Variants in DST observed in about 807,000 individuals in gnomAD.
The protein encoded by DST is dystonin.
Under a neutral mutation model 875.2 loss-of-function variants are expected in DST, and 253 were observed. The ratio of observed to expected loss-of-function variants is 0.29; its 90% confidence interval spans 0.26 to 0.32. DST has a LOEUF of 0.32. DST is among the 10% of genes least tolerant of loss of function. The pLI is 1.00. For synonymous variants in DST, 3,124 were observed against 3,197.1 expected (o/e 0.98, Z 0.77); for missense variants, 8,287 against 9,111.6 (o/e 0.91, Z 3.68).
intron 9 of DST, chr6:56,692,575 A>G: frequency 7.8e-7 from 1 of 1,289,780 alleles, no homozygotes. Context: ...TGATCTTTCT[A>G]TACCCGAGGG....
intron 4 of DST, among the ~76,000 whole-genome samples, chr6:56,826,200 A>T (rs1306272298): frequency 6.6e-6 from 1 of 152,194 alleles, no homozygotes; most frequent in African/African-American, 2.4e-5. Flanking sequence ...ATAATGGCCC[A>T]CCTCAGCCAT....
chr6:56,585,542 C>G (rs1464107078), intron 49 of DST, among the ~76,000 whole-genome samples: 3 of 152,180 alleles, frequency 2.0e-5, no homozygotes, highest in Non-Finnish European at 4.4e-5. Context: ...TTTCAAAAAA[C>G]CAGCTCCTGG....
At chr6:56,581,599 T>C (rs1178047164) in intron 49 of DST, among the ~76,000 whole-genome samples, 1 of 152,232 alleles carries the variant, frequency 6.6e-6, no homozygotes, top group Admixed American at 6.5e-5. Context: ...AGTTTGACCC[T>C]GCATTTCTAA....
intron 12 of DST, among the ~76,000 whole-genome samples, chr6:56,650,036 G>C (rs777381728): frequency 6.6e-6 from 1 of 152,122 alleles, no homozygotes; most frequent in Non-Finnish European, 1.5e-5. Context: ...AGGCTACTCA[G>C]GGATCAAAGA....
chr6:56,816,604 C>G (rs1397200322), intron 4 of DST, among the ~76,000 whole-genome samples: 1 of 152,176 alleles, frequency 6.6e-6, no homozygotes, highest in Non-Finnish European at 1.5e-5. Context: ...TATAAGCATC[C>G]TGGCAGTTTA....
rs1410816653 is a variant in DST at position 56,642,459 on chromosome 6, C to T, written c.1823G>A (p.Ser608Asn). The T allele has an allele frequency of 6.2e-7, 1 of 1,613,798 alleles. No homozygotes were observed. Among genetic ancestry groups the T allele is most frequent in the Middle Eastern group, 1.7e-4 (1 of 6,060 alleles). The change falls in exon 16 of 104, where the codon AGT becomes AAT. Residue 608 changes from serine to asparagine, a missense_variant. By Grantham distance (46) the Ser-to-Asn change is conservative (BLOSUM62 1). Transcript: ENST00000680361. The stretch of plus-strand genomic sequence containing the variant: ...AATCAGTTTGTCTTCACAGATGACA[C>T]TGTCCCTCTGAACTCTGTTGGCAAT... ...QQIANRVQRD[S>N]VICEDKLILA...
chr6:56,632,168 CA>C, intron 28 of DST, 128 bp from the exon 29 acceptor site: 1 of 647,014 alleles, frequency 1.5e-6, no homozygotes. Flanking sequence ...CTGTTTTCAT[CA>C]CAAACCCATT....
chr6:56,841,134 A>AC (rs1276230802), intron 4 of DST, among the ~76,000 whole-genome samples: 2 of 152,206 alleles, frequency 1.3e-5, no homozygotes, highest in African/African-American at 2.4e-5. Context: ...CAGTCCCCAC[A>AC]GCAAGTCACC....
chr6:56,767,318 T>C (rs1363087192), intron 4 of DST, among the ~76,000 whole-genome samples: 1 of 152,036 alleles, frequency 6.6e-6, no homozygotes, highest in Non-Finnish European at 1.5e-5. Flanking sequence ...CAATCAATAA[T>C]AATAAAAATA....
At chr6:56,887,481 G>C (rs1403823799) in intron 3 of DST, among the ~76,000 whole-genome samples, 1 of 152,110 alleles carries the variant, frequency 6.6e-6, no homozygotes, top group Non-Finnish European at 1.5e-5. Context: ...GCAATTTAAG[G>C]ATTTCTTTGG....
chr6:56,639,987 T>C lies in DST; in HGVS notation c.2561A>G (p.Asn854Ser), dbSNP rs1222668308. Reference protein sequence around the residue: ...SVESHLENHKNVHRAIEEFES... With the variant: ...SVESHLENHKSVHRAIEEFES... Reference sequence around the variant, plus strand: ...AAATTCTTCAATAGCTCTATGAACATTTTTATGATTTTCTAAATGGCTTTC... The same window carrying C: ...AAATTCTTCAATAGCTCTATGAACACTTTTATGATTTTCTAAATGGCTTTC... The change falls in exon 19 of 104, where the codon AAT (asparagine) becomes AGT (serine). Residue 854 changes from asparagine (N) to serine (S), a missense_variant. Asn to Ser is a conservative substitution (Grantham distance 46, BLOSUM62 1). Around this residue, in one of 10 missense-constraint regions of DST, gnomAD observed 1,160 missense variants for 1,424.3 expected, o/e 0.81. Transcript: ENST00000680361. The C allele has an allele frequency of 1.2e-6, 2 of 1,613,800 alleles. No homozygotes were observed. The highest frequency in any genetic ancestry group is 1.7e-6 in the Non-Finnish European group (2 of 1,179,846).
At chr6:56,777,337 A>T (rs527505936) in intron 4 of DST, among the ~76,000 whole-genome samples, 7 of 152,106 alleles carry the variant, frequency 4.6e-5, no homozygotes, top group Non-Finnish European at 7.3e-5. Flanking sequence ...GCAAAATATT[A>T]CCTTTACTAA....
Position 56,601,487 on chromosome 6 carries a change from A to G in DST, c.11497T>C (p.Leu3833=), listed in dbSNP as rs367619807. ...QESVTTQVER[L]ETQLHLEQDL... ...TGTTCTAGATGTAACTGAGTCTCTA[A>G]ACGTTCCACCTGGGTAGTTACTGAC... The change falls in exon 44 of 104, where the codon TTA becomes CTA. Residue 3833 remains leucine (L), a synonymous_variant. Coordinates refer to ENST00000680361, the MANE Select transcript of DST (RefSeq NM_001374736.1). 59 of 1,605,346 alleles carry G rather than the reference A, an allele frequency of 3.7e-5. No homozygotes were observed. In the African/African-American group the frequency reaches 5.9e-4, roughly 16 times the overall value.
chr6:56,679,424 T>G (rs1219192156), intron 9 of DST, among the ~76,000 whole-genome samples: 1 of 151,948 alleles, frequency 6.6e-6, no homozygotes, highest in Non-Finnish European at 1.5e-5. Context: ...CTTCTTGGTG[T>G]CCTAACTGGC....
At chr6:56,920,984 T>C (rs368696536) in intron 2 of DST, among the ~76,000 whole-genome samples, 1 of 144,066 alleles carries the variant, frequency 6.9e-6, no homozygotes, top group Non-Finnish European at 1.5e-5. Context: ...GCTCAAGAGA[T>C]CTTCCCACCT....
rs2152555461 is a variant in DST, at chr6:56,552,743, G to T, written c.16049C>A (p.Ser5350Tyr). The T allele has an allele frequency of 6.2e-7, 1 of 1,611,512 alleles. No individual in the cohort carries two copies. Among genetic ancestry groups the T allele is most frequent in the East Asian group, 2.2e-5 (1 of 44,882 alleles). ...GGTTTCCACTTGTAATAAAACATCA[G>T]AGGTTCCCTTTGAGTCTGAGGCCTC... ...VVEASDSKGT[S>Y]DVLLQVETIA... Residue 5350 changes from serine to tyrosine, a missense_variant, in exon 61 of 104, where the codon TCT becomes TAT. Physicochemically the swap from Ser to Tyr is moderately radical, Grantham distance 144. This residue lies in a region of DST where 1,513 missense variants were observed against 1,677.8 expected (regional missense o/e 0.90). Transcript: ENST00000680361.
chr6:56,575,389 A>C (rs574690433), intron 50 of DST, among the ~76,000 whole-genome samples: 1 of 152,280 alleles, frequency 6.6e-6, no homozygotes, highest in Non-Finnish European at 1.5e-5. Context: ...ATGAGCTCTA[A>C]TTTGGAAACT....
At chr6:56,900,308 TAAC>T (rs1376824598) in intron 3 of DST, 110 bp downstream of exon 3, 5 of 914,008 alleles carry the variant, frequency 5.5e-6, no homozygotes, top group Non-Finnish European at 7.7e-6. Flanking sequence ...TTGTTGGGAA[TAAC>T]AACAACCTAA....
Position 56,535,174 on chromosome 6 carries a change from T to G in DST, c.16889A>C (p.Lys5630Thr), listed in dbSNP as rs1236590396. The change falls in exon 63 of 104, where the codon AAG becomes ACG. Residue 5630 changes from lysine to threonine, a missense_variant. Physicochemically the swap from Lys to Thr is moderately conservative, Grantham distance 78. This residue lies in a region of DST where 777 missense variants were observed against 764.8 expected (regional missense o/e 1.02). Coordinates refer to ENST00000680361, the MANE Select transcript of DST (RefSeq NM_001374736.1). ...CACTTTGAACTCAGCCGACGGGGGC[T>G]TCTGATTGGCCACAAGCTCCTCAGT... ...VDTEELVANQKPPSAEFKVVK... is the reference protein window; with the variant it reads ...VDTEELVANQTPPSAEFKVVK... The G allele has an allele frequency of 1.2e-6, 2 of 1,613,896 alleles. No individual in the cohort carries two copies. The highest frequency in any genetic ancestry group is 1.7e-6 in the Non-Finnish European group (2 of 1,179,834).
Sources: allele counts gnomAD v4.1 joint callset (sites outside exome capture counted in the v4.1 genomes callset), GRCh38; gene constraint gnomAD v4.1.1; regional missense constraint gnomAD v4.1.1; transcripts MANE v1.5; gene names NCBI Gene and HGNC (gene_info 2026-07-23, HGNC 2026-07-21).